LAMC3: variants seen among roughly 807,000 people sequenced by gnomAD.
LAMC3 encodes laminin subunit gamma-3.
A neutral mutation model predicts 173.8 loss-of-function variants in LAMC3; 128 were observed. The observed-to-expected ratio is 0.74, with a 90% confidence interval of 0.64 to 0.85. LAMC3 has a LOEUF of 0.85. Ranked by LOEUF, LAMC3 falls within the 40% of genes least tolerant of loss-of-function variation. The probability of loss-of-function intolerance (pLI) is 0.00; values close to 1 mark genes in which losing one functional copy is unlikely to be tolerated. For synonymous variants in LAMC3, 897 were observed against 909.1 expected, an observed-to-expected ratio of 0.99 and a Z score of 0.24; for missense variants, 2,022 against 2,156.0, an observed-to-expected ratio of 0.94 and a Z score of 1.23.
At chr9:131,074,067 C>T (rs997946373) in intron 20 of LAMC3, among the ~76,000 whole-genome samples, 2 of 151,332 alleles carry the variant, frequency 1.3e-5, no homozygotes, top group Non-Finnish European at 2.9e-5. Context: ...CTGCCTCAGC[C>T]TCCCAAGTAG....
chr9:131,052,500 T>C lies in LAMC3; in HGVS notation c.1640T>C (p.Leu547Pro), dbSNP rs1345341495. 6.2e-7 allele frequency: 1 copy of C among 1,614,090 alleles called. No homozygotes were observed. Among genetic ancestry groups the C allele is most frequent in the Admixed American group, 1.7e-5 (1 of 60,030 alleles). Residue 547 changes from leucine to proline, a missense_variant, in exon 10 of 28, where the codon CTG (leucine) becomes CCG (proline). Physicochemically the swap from Leu to Pro is moderately conservative, Grantham distance 98. Coordinates refer to ENST00000361069, the MANE Select transcript of LAMC3 (RefSeq NM_006059.4). ...CTTCTCTTGTCTTCAGAGAAGTTCC[T>C]GGGAGACCAGCGGTTCAGCTATGGG... ...EEELTAPEKF[L>P]GDQRFSYGQP...
chr9:131,049,346 G>C (rs1834239144), intron 9 of LAMC3, among the ~76,000 whole-genome samples: 1 of 152,190 alleles, frequency 6.6e-6, no homozygotes, highest in South Asian at 2.1e-4. Context: ...GCCTTTCCCA[G>C]CCTCTAGAAG....
At chr9:131,075,706 A>G (rs1830113624) in intron 20 of LAMC3, 125 bp from the exon 21 acceptor site, 1 of 1,056,690 alleles carries the variant, frequency 9.5e-7, no homozygotes, top group Non-Finnish European at 1.4e-6. Flanking sequence ...GAAAAGGCGT[A>G]CCTGTCTTTG....
intron 2 of LAMC3, among the ~76,000 whole-genome samples, chr9:131,031,067 G>A (rs574796897): frequency 1.3e-5 from 2 of 152,358 alleles, no homozygotes; most frequent in East Asian, 3.9e-4. Context: ...CTCTGGCAGA[G>A]GCCCTGGGTC....
At chr9:131,069,994 C>A (rs1830012223) in intron 17 of LAMC3, 144 bp downstream of exon 17, 1 of 867,248 alleles carries the variant, frequency 1.2e-6, no homozygotes, top group Non-Finnish European at 1.9e-6. Context: ...CCTGTGCCCA[C>A]CCAGCTTCAG....
rs58477043 is a variant in LAMC3 at position 131,051,365 on chromosome 9, C to CTTTT, written c.1631-1112_1631-1109dup. 5.0e-4 allele frequency among the ~76,000 whole-genome samples: 63 copies of CTTTT among 126,812 alleles called. 2 individuals carry two copies. Among genetic ancestry groups the CTTTT allele is most frequent in the African/African-American group, 1.5e-3 (51 of 33,024 alleles). 83.2% of individuals were successfully genotyped at this position (126,812 alleles called of 152,430 possible). A position where few individuals can be genotyped will look rare whatever the true frequency, so the allele number is the denominator to read the frequency against. ...AGTTATTAGCATGAATTTTACCATTCTTTTTTTTTTTTTTTTTGAGACGGA... is the reference window on the plus strand; with the variant it reads ...AGTTATTAGCATGAATTTTACCATTCTTTTTTTTTTTTTTTTTTTTTGAGACGGA... On this transcript the variant is annotated intron_variant, in intron 9 of 27. Coordinates refer to ENST00000361069, the MANE Select transcript of LAMC3 (RefSeq NM_006059.4).
At chr9:131,076,833 C>T (rs151066146) in intron 21 of LAMC3, among the ~76,000 whole-genome samples, 48 of 152,334 alleles carry the variant, frequency 3.2e-4, no homozygotes, top group African/African-American at 6.3e-4. Flanking sequence ...GGACCGGGGC[C>T]GCTGTGCTCC....
chr9:131,057,245 A>T, intron 12 of LAMC3, 98 bp downstream of exon 12: 1 of 1,057,022 alleles, frequency 9.5e-7, no homozygotes, highest in Non-Finnish European at 1.4e-6. Flanking sequence ...ACAGGCATTG[A>T]GGTGTTGGCC....
At chr9:131,088,062 C>CT (rs1830361750) in intron 27 of LAMC3, among the ~76,000 whole-genome samples, 2 of 152,172 alleles carry the variant, frequency 1.3e-5, no homozygotes, top group Admixed American at 1.3e-4. Flanking sequence ...CCAGGGCCCT[C>CT]TATTCTTTGG....
At chr9:131,090,009 C>G (rs818059) in intron 27 of LAMC3, among the ~76,000 whole-genome samples, 90,972 of 151,956 alleles carry the variant, frequency 0.6, 28,288 homozygotes, top group African/African-American at 0.77. Flanking sequence ...GTTAACCAAG[C>G]TGGTGTTGAA....
chr9:131,026,401 AG>A lies in LAMC3; in HGVS notation c.491del (p.Ser164ThrfsTer37). On this transcript the variant is annotated frameshift_variant, in exon 2 of 28. Transcript: ENST00000361069. LOFTEE classifies it high-confidence loss of function. The surrounding 1 kb of genome is among the most constrained non-coding windows in gnomAD (Gnocchi z 4.8). ...CCCATGGGAGCCCTACCAGTTCTAC[AG>A]CGCCTCCTGCCAGAAGACCTACGGC... is the stretch of plus-strand genomic sequence containing the variant. Reference protein sequence around the residue: ...DGPWEPYQFYSASCQKTYGRP... With the variant: ...DGPWEPYQFYXASCQKTYGRP... 6.2e-7 allele frequency: 1 copy of A among 1,614,074 alleles called. No homozygotes were observed. The highest frequency in any genetic ancestry group is 8.5e-7 in the Non-Finnish European group (1 of 1,180,024).
intron 9 of LAMC3, among the ~76,000 whole-genome samples, chr9:131,052,160 G>A (rs1246351802): frequency 6.6e-6 from 1 of 152,170 alleles, no homozygotes; most frequent in Non-Finnish European, 1.5e-5. Context: ...GCAGACGGCA[G>A]CCTCTCTGGT....
At chr9:131,069,878 T>G in intron 17 of LAMC3, 28 bp downstream of exon 17, 1 of 1,558,450 alleles carries the variant, frequency 6.4e-7, no homozygotes, top group African/African-American at 1.4e-5. Flanking sequence ...CACTCACCTT[T>G]CCATTCATTC....
Position 131,018,260 on chromosome 9 carries a change from G to A in LAMC3, c.374-8025G>A, listed in dbSNP as rs190206343. Among the ~76,000 whole-genome samples, 299 of 151,016 alleles carry A rather than the reference G, an allele frequency of 2.0e-3. 2 individuals are homozygous for A. The highest frequency in any genetic ancestry group is 2.2e-3 in the Non-Finnish European group (148 of 67,838). ...AGCGATTCTCATGCCTCAGCCTCCC[G>A]TGTAGCTGGGATTACAGGTGCATGC... On this transcript the variant is annotated intron_variant, in intron 1 of 27. Transcript: ENST00000361069.
At chr9:131,012,364 AAG>A (rs1281893816) in intron 1 of LAMC3, among the ~76,000 whole-genome samples, 10 of 152,182 alleles carry the variant, frequency 6.6e-5, no homozygotes, top group Non-Finnish European at 1.3e-4. Context: ...CCGTACGGAT[AAG>A]AGTCGCCACT....
chr9:131,071,239 G>A lies in LAMC3; in HGVS notation c.3070-245G>A, dbSNP rs78329755. 0.012 allele frequency among the ~76,000 whole-genome samples: 1,837 copies of A among 152,270 alleles called. 36 individuals carry two copies. The highest frequency in any genetic ancestry group is 0.042 in the African/African-American group (1,726 of 41,542). On this transcript the variant is annotated intron_variant, in intron 17 of 27. Coordinates refer to ENST00000361069, the MANE Select transcript of LAMC3 (RefSeq NM_006059.4). The stretch of plus-strand genomic sequence containing the variant: ...CCATCCCTTCCTCCCCACCTTCCGA[G>A]GTAGGACAGCAGTGTGGTCAGCGGT...
rs568366033 is a variant in LAMC3, at chr9:131,041,653, C to T, written c.1300C>T (p.Pro434Ser). 6.2e-7 allele frequency: 1 copy of T among 1,614,120 alleles called. No individual in the cohort carries two copies. Among genetic ancestry groups the T allele is most frequent in the East Asian group, 2.2e-5 (1 of 44,884 alleles). Residue 434 changes from proline (P) to serine (S), a missense_variant, in exon 7 of 28, where the codon CCC (proline) becomes TCC (serine). Pro to Ser is a moderately conservative substitution (Grantham distance 74). Transcript: ENST00000361069. ...CATTGGCAGACCCTGCACTTGCAAT[C>T]CCGCTGGCAGCCTGGACACCTGTGA... is the stretch of plus-strand genomic sequence containing the variant. ...EGGCRPCTCN[P>S]AGSLDTCDPR... is the part of the protein sequence containing the mutation.
intron 27 of LAMC3, among the ~76,000 whole-genome samples, chr9:131,089,694 G>A (rs1290436325): frequency 1.3e-5 from 2 of 151,928 alleles, no homozygotes; most frequent in African/African-American, 2.4e-5. Context: ...GGCCTTATTT[G>A]TCCTCTTTTG....
In LAMC3 at chr9:131,092,323, G is replaced by T. The variant is rs1289253623; in HGVS notation, c.*536G>T. 5.9e-6 allele frequency: 1 copy of T among 170,548 alleles called. No individual in the cohort carries two copies. Among genetic ancestry groups the T allele is most frequent in the East Asian group, 1.5e-4 (1 of 6,508 alleles). The allele number at this position is 170,548 out of a possible 1,614,324, so 10.6% of individuals were successfully genotyped here. ...AACAGCCAAAGCCCCTAGTCCCAGAGCTGGCTGCCCTCTGTTTCACAGCAG... is the reference window on the plus strand; with the variant it reads ...AACAGCCAAAGCCCCTAGTCCCAGATCTGGCTGCCCTCTGTTTCACAGCAG... On this transcript the variant is annotated 3_prime_UTR_variant, in exon 28 of 28. Transcript: ENST00000361069.
Sources: gnomAD v4.1 joint callset for allele counts (sites outside exome capture counted in the v4.1 genomes callset) on GRCh38, gnomAD v4.1.1 for gene constraint, Gnocchi (gnomAD v3.1) non-coding constraint, MANE v1.5 for transcripts, NCBI Gene and HGNC (gene_info 2026-07-23, HGNC 2026-07-21) for gene names.